Variants in PDE8B observed in about 807,000 individuals in gnomAD.
PDE8B encodes phosphodiesterase 8B, also known as high affinity cAMP-specific and IBMX-insensitive 3',5'-cyclic phosphodiesterase 8B.
PDE8B carries 26 observed loss-of-function variants against 101.3 expected under a neutral mutation model. The observed-to-expected ratio is 0.26, with a 90% CI of 0.19 to 0.36. The LOEUF (loss-of-function observed/expected upper bound fraction) is 0.36. Among genes scored for constraint, PDE8B ranks in the 10% least tolerant of loss-of-function variants. The pLI is 1.00. For missense variants in PDE8B, 810 were observed against 1,163.1 expected (o/e 0.70, Z 4.42); for synonymous variants, 424 against 429.3 (o/e 0.99, Z 0.15).
chr5:77,341,811 C>T (rs147679836), intron 6 of PDE8B, among the ~76,000 whole-genome samples: 195 of 152,262 alleles, frequency 1.3e-3, no homozygotes, highest in African/African-American at 4.3e-3. Flanking sequence ...ATTCTTGTTT[C>T]TTATTTTAAA....
At chr5:77,358,881 C>T (rs1379605085) in intron 10 of PDE8B, among the ~76,000 whole-genome samples, 3 of 151,968 alleles carry the variant, frequency 2.0e-5, no homozygotes, top group African/African-American at 7.3e-5. Flanking sequence ...TTTGTGTGCC[C>T]CAAAATATTT....
chr5:77,169,972 G>A, the PDE8B span, among the ~76,000 whole-genome samples: 2 of 152,132 alleles, frequency 1.3e-5, no homozygotes, highest in Non-Finnish European at 2.9e-5. Context: ...CCCTATTTTA[G>A]CTATACGAAG....
chr5:77,232,257 T>G (rs1753726378), intron 1 of PDE8B, among the ~76,000 whole-genome samples: 1 of 152,264 alleles, frequency 6.6e-6, no homozygotes, highest in African/African-American at 2.4e-5. Flanking sequence ...TTGTAAACTT[T>G]GTTATGAAGT....
intron 1 of PDE8B, among the ~76,000 whole-genome samples, chr5:77,286,016 T>C (rs1281109964): frequency 6.6e-6 from 1 of 152,210 alleles, no homozygotes; most frequent in Non-Finnish European, 1.5e-5. Context: ...CTGAGGTTAA[T>C]CATAATAGTG....
the PDE8B span, among the ~76,000 whole-genome samples, chr5:77,161,838 T>A: frequency 6.6e-6 from 1 of 152,252 alleles, no homozygotes; most frequent in South Asian, 2.1e-4. Context: ...TGGTATTTTC[T>A]TGTCAGTTTA....
At chr5:77,380,052 G>A (rs1359657642) in intron 10 of PDE8B, among the ~76,000 whole-genome samples, 1 of 152,212 alleles carries the variant, frequency 6.6e-6, no homozygotes, top group Non-Finnish European at 1.5e-5. Flanking sequence ...TAAAGCTACA[G>A]TGATTATTTA....
intron 1 of PDE8B, among the ~76,000 whole-genome samples, chr5:77,260,640 T>G (rs1172934475): frequency 6.9e-6 from 1 of 143,916 alleles, no homozygotes; most frequent in Non-Finnish European, 1.5e-5. Flanking sequence ...CAGGCTGGAG[T>G]GCAATGGTGC....
At chr5:77,321,375 TC>T (rs1273223327) in intron 2 of PDE8B, among the ~76,000 whole-genome samples, 1 of 152,064 alleles carries the variant, frequency 6.6e-6, no homozygotes, top group African/African-American at 2.4e-5. Context: ...GGTCTCAAAC[TC>T]CCGACCTCAG....
chr5:77,283,049 C>T (rs1490177923), intron 1 of PDE8B, among the ~76,000 whole-genome samples: 2 of 152,020 alleles, frequency 1.3e-5, no homozygotes, highest in Admixed American at 6.5e-5. Flanking sequence ...CTGTAATATA[C>T]ATGTTTTAAT....
chr5:77,228,436 A>G (rs932150495), intron 1 of PDE8B, among the ~76,000 whole-genome samples: 1 of 152,168 alleles, frequency 6.6e-6, no homozygotes, highest in African/African-American at 2.4e-5. Context: ...CCATGGAAGC[A>G]TGAAGGAAGA....
chr5:77,420,233 G>GA (rs1796353044), intron 19 of PDE8B, among the ~76,000 whole-genome samples: 3 of 152,122 alleles, frequency 2.0e-5, no homozygotes, highest in South Asian at 4.1e-4. Context: ...TGAGCTCTTG[G>GA]AAAACCTCAA....
At chr5:77,403,907 C>T (rs956999641) in intron 11 of PDE8B, among the ~76,000 whole-genome samples, 1 of 152,190 alleles carries the variant, frequency 6.6e-6, no homozygotes, top group Non-Finnish European at 1.5e-5. Flanking sequence ...CAACCTCTGC[C>T]TCCCAGGTTC....
intron 18 of PDE8B, among the ~76,000 whole-genome samples, chr5:77,418,794 A>G (rs1796068782): frequency 6.6e-6 from 1 of 152,092 alleles, no homozygotes. Context: ...CCCTAGCTCA[A>G]TTTCCGGCCG....
the PDE8B span, chr5:77,144,119 G>T: frequency 6.6e-6 from 1 of 152,168 alleles, no homozygotes. Context: ...ATTCACAAGA[G>T]AAGTGTCCAG....
intron 1 of PDE8B, among the ~76,000 whole-genome samples, chr5:77,240,370 G>A: frequency 6.6e-6 from 1 of 151,982 alleles, no homozygotes; most frequent in Admixed American, 6.6e-5. Flanking sequence ...AGCCAGGATG[G>A]TCTTGATCTC....
intron 10 of PDE8B, among the ~76,000 whole-genome samples, chr5:77,392,572 T>G (rs1034330695): frequency 6.6e-6 from 1 of 152,170 alleles, no homozygotes; most frequent in South Asian, 2.1e-4. Context: ...CAAGGAACAA[T>G]AGATAATTTG....
In PDE8B at chr5:77,210,696, C is replaced by T. The variant is rs1748068250; in HGVS notation, c.-230C>T. The T allele has an allele frequency of 2.0e-6, 2 of 980,822 alleles. No homozygotes were observed. The highest frequency in any genetic ancestry group is 6.3e-5 in the Admixed American group (1 of 15,910). The allele number at this position is 980,822 out of a possible 1,614,324, so 60.8% of individuals were successfully genotyped here. On this transcript the variant is annotated 5_prime_UTR_variant, in exon 1 of 22. Coordinates refer to ENST00000264917, the MANE Select transcript of PDE8B (RefSeq NM_003719.5). This position sits in a 1 kb window ranked among gnomAD's most constrained non-coding sequence, Gnocchi z 4.9. ...CGGGGCGCTGTGTATGCGCGCTCCCCCGCTCGGGGAGGAAGATGGCCCAAA... is the reference window on the plus strand; with the variant it reads ...CGGGGCGCTGTGTATGCGCGCTCCCTCGCTCGGGGAGGAAGATGGCCCAAA...
chr5:77,333,206 C>T (rs1181830994), intron 5 of PDE8B, among the ~76,000 whole-genome samples: 2 of 152,132 alleles, frequency 1.3e-5, no homozygotes, highest in East Asian at 3.9e-4. Context: ...TCTCTTCTCA[C>T]AAAGGTTGGC....
chr5:77,345,234 T>C (rs368342179), intron 7 of PDE8B, among the ~76,000 whole-genome samples: 7 of 152,234 alleles, frequency 4.6e-5, no homozygotes, highest in East Asian at 3.8e-4. Context: ...AGAGGTAATC[T>C]TGGCTCAGTA....
Sources: gnomAD v4.1 joint callset for allele counts (sites outside exome capture counted in the v4.1 genomes callset) on GRCh38, gnomAD v4.1.1 for gene constraint, Gnocchi (gnomAD v3.1) non-coding constraint, MANE v1.5 for transcripts, NCBI Gene and HGNC (gene_info 2026-07-23, HGNC 2026-07-21) for gene names.